Variants in SLC9A2 observed in about 807,000 individuals in gnomAD.
SLC9A2 encodes sodium/hydrogen exchanger 2.
SLC9A2 carries 42 observed loss-of-function variants against 71.7 expected under a neutral mutation model. That is an observed-to-expected ratio of 0.59 (90% CI 0.46 to 0.76). SLC9A2 has a LOEUF of 0.76. Among genes scored for constraint, SLC9A2 ranks in the 30% least tolerant of loss-of-function variants. The probability of loss-of-function intolerance (pLI) is 0.00; values close to 1 mark genes in which losing one functional copy is unlikely to be tolerated. For synonymous variants in SLC9A2, 396 were observed against 392.5 expected (o/e 1.01, Z -0.10); for missense variants, 829 against 1,017.4 (o/e 0.81, Z 2.52).
chr2:102,683,139 T>C, intron 3 of SLC9A2, 122 bp from the exon 4 acceptor site: 1 of 703,692 alleles, frequency 1.4e-6, no homozygotes, highest in Admixed American at 2.3e-5. Flanking sequence ...ATAAAAATCA[T>C]TCGATGATGT....
At chr2:102,700,993 T>C in intron 7 of SLC9A2, 77 bp from the exon 8 acceptor site, 2 of 1,025,516 alleles carry the variant, frequency 2.0e-6, no homozygotes, top group Admixed American at 5.2e-5. Flanking sequence ...ATGGCAGAAA[T>C]GACTTCATTG....
At chr2:102,698,115 T>C (rs891924055) in intron 7 of SLC9A2, among the ~76,000 whole-genome samples, 1 of 152,282 alleles carries the variant, frequency 6.6e-6, no homozygotes, top group Admixed American at 6.5e-5. Context: ...AAAACAACAA[T>C]AATAATAAAA....
intron 2 of SLC9A2, among the ~76,000 whole-genome samples, chr2:102,662,544 G>A (rs1241440478): frequency 6.6e-6 from 1 of 152,182 alleles, no homozygotes; most frequent in African/African-American, 2.4e-5. Context: ...AGAGAGCTGG[G>A]TATTTGCAAA....
At chr2:102,669,598 A>G (rs1677206815) in intron 3 of SLC9A2, among the ~76,000 whole-genome samples, 1 of 152,234 alleles carries the variant, frequency 6.6e-6, no homozygotes, top group Admixed American at 6.5e-5. Context: ...ATAGCAGGGC[A>G]TGAGAGGTGA....
At chr2:102,643,061 C>A (rs1236102499) in intron 1 of SLC9A2, among the ~76,000 whole-genome samples, 1 of 152,080 alleles carries the variant, frequency 6.6e-6, no homozygotes, top group East Asian at 1.9e-4. Context: ...GTGATTTCTA[C>A]AGGGTCTGTA....
intron 3 of SLC9A2, among the ~76,000 whole-genome samples, chr2:102,672,364 G>A (rs989365836): frequency 6.6e-6 from 1 of 151,514 alleles, no homozygotes; most frequent in Non-Finnish European, 1.5e-5. Flanking sequence ...AGACACTGTT[G>A]TTCTGTAGTG....
chr2:102,646,597 G>A lies in SLC9A2; in HGVS notation c.290-10967G>A, dbSNP rs192498041. Among the ~76,000 whole-genome samples the A allele has an allele frequency of 2.0e-3, 305 of 152,090 alleles. 1 individual carries two copies. The highest frequency in any genetic ancestry group is 7.1e-3 in the African/African-American group (295 of 41,442). On this transcript the variant is annotated intron_variant, in intron 1 of 11. Transcript: ENST00000233969. ...GACACACACAGGCTCAAAATAAAGG[G>A]ATGGAGGAATATTTACAAAGCAAAT... is the stretch of plus-strand genomic sequence containing the variant.
At chr2:102,691,053 C>G (rs1463366915) in intron 5 of SLC9A2, among the ~76,000 whole-genome samples, 1 of 151,422 alleles carries the variant, frequency 6.6e-6, no homozygotes, top group Admixed American at 6.6e-5. Context: ...GTTTTCCCCT[C>G]TGATATAAAT....
chr2:102,665,722 C>G (rs1262556842), intron 3 of SLC9A2, among the ~76,000 whole-genome samples: 1 of 118,030 alleles, frequency 8.5e-6, no homozygotes, highest in Non-Finnish European at 1.6e-5. Context: ...TGCGGTGAGC[C>G]GAGATTGTGC....
intron 5 of SLC9A2, among the ~76,000 whole-genome samples, chr2:102,686,111 C>A (rs1558719981): frequency 6.6e-6 from 1 of 152,192 alleles, no homozygotes. Flanking sequence ...TCACAGAATG[C>A]TTTCTAGGTA....
chr2:102,641,735 C>T (rs1676585220), intron 1 of SLC9A2, among the ~76,000 whole-genome samples: 1 of 152,022 alleles, frequency 6.6e-6, no homozygotes, highest in South Asian at 2.1e-4. Context: ...TGGGATATTG[C>T]TGTGTCCTTA....
At chr2:102,644,863 C>T (rs959729948) in intron 1 of SLC9A2, among the ~76,000 whole-genome samples, 7 of 152,210 alleles carry the variant, frequency 4.6e-5, no homozygotes, top group African/African-American at 1.4e-4. Context: ...GGGGCAGCTG[C>T]AGGCATAGCT....
In SLC9A2 at chr2:102,620,129, C is replaced by A; in HGVS notation, c.281C>A (p.Ala94Asp). 2 of 1,602,112 alleles carry A rather than the reference C, an allele frequency of 1.2e-6. No individual in the cohort carries two copies. The highest frequency in any genetic ancestry group is 1.7e-6 in the Non-Finnish European group (2 of 1,171,316). ...ITLWILLASLAKIGFHLYHKL... is the reference protein window; with the variant it reads ...ITLWILLASLDKIGFHLYHKL... ...CTTTGGATCCTGCTGGCCTCCCTGG[C>A]CAAGATTGGTGAGCGAACTGGACTT... Residue 94 changes from alanine to aspartate, a missense_variant, in exon 1 of 12, where the codon GCC becomes GAC. By Grantham distance (126) the Ala-to-Asp change is moderately radical. This residue lies in a region of SLC9A2 where 500 missense variants were observed against 726.3 expected (regional missense o/e 0.69). Coordinates refer to ENST00000233969, the MANE Select transcript of SLC9A2 (RefSeq NM_003048.6).
In SLC9A2 at chr2:102,632,222, T is replaced by G. The variant is rs186186952; in HGVS notation, c.289+12085T>G. Among the ~76,000 whole-genome samples, 321 of 141,066 alleles carry G rather than the reference T, an allele frequency of 2.3e-3. 2 individuals are homozygous for G. Among genetic ancestry groups the G allele is most frequent in the African/African-American group, 7.5e-3 (279 of 37,436 alleles). The allele number at this position is 141,066 out of a possible 152,430, so 92.5% of individuals were successfully genotyped here. ...AAAGTGGGGATATAAATATATATAT[T>G]TATTATATATATAATACATATATAT... is the stretch of plus-strand genomic sequence containing the variant. On this transcript the variant is annotated intron_variant, in intron 1 of 11. Transcript: ENST00000233969.
intron 8 of SLC9A2, 110 bp downstream of exon 8, chr2:102,701,341 C>T (rs1677871564): frequency 1.2e-6 from 1 of 839,220 alleles, no homozygotes; most frequent in Non-Finnish European, 1.8e-6. Flanking sequence ...ATCCGCCCCC[C>T]TCGGCCTCCC....
chr2:102,693,249 A>G (rs1242049066), intron 5 of SLC9A2, among the ~76,000 whole-genome samples: 2 of 151,984 alleles, frequency 1.3e-5, no homozygotes, highest in Non-Finnish European at 2.9e-5. Flanking sequence ...TAGGACAAAA[A>G]CTCAATCATC....
chr2:102,631,995 GATATATATATATATATATATATATATAT>G lies in SLC9A2; in HGVS notation c.289+11874_289+11901del, dbSNP rs59553931. ...CTTCCATTTAATTAATGAAAGTGGG[GATATATATATATATATATATATATATAT>G]ATATATATATATATACATACACACA... On this transcript the variant is annotated intron_variant, in intron 1 of 11. Coordinates refer to ENST00000233969, the MANE Select transcript of SLC9A2 (RefSeq NM_003048.6). Among the ~76,000 whole-genome samples, 13 of 43,254 alleles carry G rather than the reference GATATATATATATATATATATATATATAT, an allele frequency of 3.0e-4. 1 individual carries two copies. Among genetic ancestry groups the G allele is most frequent in the African/African-American group, 9.6e-4 (12 of 12,488 alleles). 28.4% of individuals were successfully genotyped at this position (43,254 alleles called of 152,430 possible). A position where few individuals can be genotyped will look rare whatever the true frequency, so the allele number is the denominator to read the frequency against.
At chr2:102,629,007 T>G (rs2104498530) in intron 1 of SLC9A2, among the ~76,000 whole-genome samples, 1 of 152,326 alleles carries the variant, frequency 6.6e-6, no homozygotes, top group East Asian at 1.9e-4. Flanking sequence ...CTCTATTTAT[T>G]GTGTACAGGA....
chr2:102,677,596 G>A (rs760771024), intron 3 of SLC9A2, among the ~76,000 whole-genome samples: 3 of 152,134 alleles, frequency 2.0e-5, no homozygotes, highest in South Asian at 4.1e-4. Context: ...TTTGGAATGC[G>A]AAATGGGCAA....
Sources: allele counts gnomAD v4.1 joint callset (sites outside exome capture counted in the v4.1 genomes callset), GRCh38; gene constraint gnomAD v4.1.1; regional missense constraint gnomAD v4.1.1; transcripts MANE v1.5; gene names NCBI Gene and HGNC (gene_info 2026-07-23, HGNC 2026-07-21).